Variants in CENPW observed in about 807,000 individuals in gnomAD.
CENPW encodes cancer-up-regulated gene 2 protein.
In CENPW, 3 loss-of-function variants were observed where a neutral mutation model predicts 11.1. The observed-to-expected ratio is 0.27, with a 90% CI of 0.12 to 0.70. The LOEUF (loss-of-function observed/expected upper bound fraction) is 0.70, where lower values mean the gene tolerates loss of function less well. CENPW is among the 30% of genes least tolerant of loss of function. The pLI is 0.77. For missense variants in CENPW, 100 were observed against 105.6 expected, an observed-to-expected ratio of 0.95 and a Z score of 0.23; for synonymous variants, 38 against 42.0, an observed-to-expected ratio of 0.91 and a Z score of 0.37.
At chr6:126,435,767 T>C in the CENPW span, among the ~76,000 whole-genome samples, 1 of 151,890 alleles carries the variant, frequency 6.6e-6, no homozygotes, top group African/African-American at 2.4e-5. Flanking sequence ...TCTGAAAACC[T>C]TTGGACCACT....
the CENPW span, among the ~76,000 whole-genome samples, chr6:126,478,962 T>C: frequency 6.6e-6 from 1 of 152,024 alleles, no homozygotes; most frequent in African/African-American, 2.4e-5. Context: ...CCAAAGCCCT[T>C]GGATAAACCT....
At chr6:126,363,753 TCTC>T in the CENPW span, among the ~76,000 whole-genome samples, 4 of 152,256 alleles carry the variant, frequency 2.6e-5, no homozygotes, top group Admixed American at 1.3e-4. Flanking sequence ...TCTAAGAAAA[TCTC>T]CTATCAACCT....
chr6:126,468,342 C>T, the CENPW span, among the ~76,000 whole-genome samples: 1 of 148,956 alleles, frequency 6.7e-6, no homozygotes, highest in African/African-American at 2.5e-5. Flanking sequence ...ATCGCTTGAA[C>T]CCAAGAGGCA....
the CENPW span, among the ~76,000 whole-genome samples, chr6:126,376,856 T>TTC: frequency 1.3e-5 from 2 of 152,140 alleles, no homozygotes; most frequent in Non-Finnish European, 2.9e-5. Flanking sequence ...CTTGTGCTGA[T>TTC]GGGGGCACCC....
chr6:126,439,272 G>A, the CENPW span, among the ~76,000 whole-genome samples: 1 of 151,628 alleles, frequency 6.6e-6, no homozygotes, highest in South Asian at 2.1e-4. Flanking sequence ...TCTTTTAATT[G>A]GCTGGAGAAT....
the CENPW span, among the ~76,000 whole-genome samples, chr6:126,443,281 C>T: frequency 1.3e-5 from 2 of 151,244 alleles, no homozygotes; most frequent in South Asian, 4.2e-4. Context: ...TTCTTCCTTG[C>T]AATTTATTTG....
chr6:126,472,515 G>A, the CENPW span, among the ~76,000 whole-genome samples: 4 of 152,128 alleles, frequency 2.6e-5, no homozygotes, highest in African/African-American at 4.8e-5. Flanking sequence ...TTAATAAGTA[G>A]CTTTCCATTG....
At chr6:126,421,283 T>G in the CENPW span, among the ~76,000 whole-genome samples, 1 of 152,152 alleles carries the variant, frequency 6.6e-6, no homozygotes, top group Admixed American at 6.6e-5. Flanking sequence ...AAACTCATAT[T>G]ATGCCATTTT....
chr6:126,434,819 C>T, the CENPW span, among the ~76,000 whole-genome samples: 1 of 151,900 alleles, frequency 6.6e-6, no homozygotes, highest in South Asian at 2.1e-4. Context: ...GAATAAGCTA[C>T]AAAATCTAAG....
At chr6:126,407,855 TA>T in the CENPW span, among the ~76,000 whole-genome samples, 3 of 152,168 alleles carry the variant, frequency 2.0e-5, no homozygotes, top group Admixed American at 6.6e-5. Context: ...GAATAGATTG[TA>T]AATATTCTTT....
the CENPW span, among the ~76,000 whole-genome samples, chr6:126,390,278 C>G: frequency 6.6e-6 from 1 of 151,854 alleles, no homozygotes; most frequent in Non-Finnish European, 1.5e-5. Context: ...TTCTTATGAT[C>G]CATTATCCAC....
At chr6:126,477,587 A>T in the CENPW span, among the ~76,000 whole-genome samples, 8 of 152,136 alleles carry the variant, frequency 5.3e-5, no homozygotes, top group Admixed American at 4.6e-4. Context: ...ACAGACTCAA[A>T]GAGCTCAAAT....
At chr6:126,360,505 A>G in the CENPW span, among the ~76,000 whole-genome samples, 2 of 152,172 alleles carry the variant, frequency 1.3e-5, no homozygotes, top group African/African-American at 4.8e-5. Flanking sequence ...TGTGATATGT[A>G]ACCTCAAATA....
the CENPW span, among the ~76,000 whole-genome samples, chr6:126,444,203 T>C: frequency 6.6e-6 from 1 of 150,848 alleles, no homozygotes; most frequent in African/African-American, 2.4e-5. Flanking sequence ...TGGTTTGTTA[T>C]TTCTGTACAT....
chr6:126,369,916 T>A, the CENPW span, among the ~76,000 whole-genome samples: 1 of 152,250 alleles, frequency 6.6e-6, no homozygotes, highest in African/African-American at 2.4e-5. Context: ...TGGTCTTTGA[T>A]TTAAATCTGT....
At chr6:126,364,620 CT>C in the CENPW span, among the ~76,000 whole-genome samples, 1 of 152,168 alleles carries the variant, frequency 6.6e-6, no homozygotes, top group East Asian at 1.9e-4. Flanking sequence ...ATCCCTACCC[CT>C]ATCCATTTTA....
the CENPW span, among the ~76,000 whole-genome samples, chr6:126,453,584 A>G: frequency 2.0e-5 from 3 of 151,352 alleles, no homozygotes; most frequent in South Asian, 6.2e-4. Flanking sequence ...AAAGATTCCT[A>G]CTGGTCACCA....
the CENPW span, among the ~76,000 whole-genome samples, chr6:126,428,890 C>A: frequency 6.6e-6 from 1 of 152,140 alleles, no homozygotes; most frequent in East Asian, 1.9e-4. Context: ...TATATTCCAC[C>A]TAGAGATAAC....
intron 2 of CENPW, among the ~76,000 whole-genome samples, chr6:126,347,265 C>T (rs1489857892): frequency 6.6e-6 from 1 of 152,076 alleles, no homozygotes; most frequent in East Asian, 1.9e-4. Context: ...TGACAGTCTA[C>T]CTCTTTGTAG....
Sources: gnomAD v4.1 joint callset for allele counts (sites outside exome capture counted in the v4.1 genomes callset) on GRCh38, gnomAD v4.1.1 for gene constraint, MANE v1.5 for transcripts, NCBI Gene and HGNC (gene_info 2026-07-23, HGNC 2026-07-21) for gene names.